The following PHAF1 variants were observed in gnomAD, a reference collection of about 807,000 sequenced individuals.
PHAF1 encodes phagophore assembly factor 1.
PHAF1 carries 23 observed loss-of-function variants against 63.1 expected under a neutral mutation model. That is an observed-to-expected ratio of 0.36 (90% confidence interval 0.26 to 0.52). The LOEUF (loss-of-function observed/expected upper bound fraction) is 0.52, where lower values mean the gene tolerates loss of function less well. Ranked by LOEUF, PHAF1 falls within the 20% of genes least tolerant of loss-of-function variation. The pLI is 0.93. For missense variants in PHAF1, 427 were observed against 517.2 expected, an observed-to-expected ratio of 0.83 and a Z score of 1.69; for synonymous variants, 167 against 185.0, an observed-to-expected ratio of 0.90 and a Z score of 0.79.
chr16:67,142,606 C>A (rs996594462), intron 10 of PHAF1, among the ~76,000 whole-genome samples: 3 of 152,172 alleles, frequency 2.0e-5, no homozygotes, highest in African/African-American at 4.8e-5. Context: ...ACAACTTTGC[C>A]CCTCCCCAGA....
At chr16:67,122,553 A>G (rs932850991) in intron 2 of PHAF1, among the ~76,000 whole-genome samples, 2 of 148,586 alleles carry the variant, frequency 1.3e-5, no homozygotes, top group East Asian at 2.0e-4. Context: ...CCTAGGTGAC[A>G]GAGCAAGACC....
intron 10 of PHAF1, 144 bp from the exon 11 acceptor site, chr16:67,144,150 A>C (rs1305183365): frequency 4.7e-6 from 3 of 633,654 alleles, no homozygotes; most frequent in Non-Finnish European, 8.6e-6. Flanking sequence ...TGTCCCCTGG[A>C]CTGTTGTCTG....
intron 8 of PHAF1, among the ~76,000 whole-genome samples, chr16:67,138,947 C>T (rs1963702500): frequency 6.6e-6 from 1 of 152,114 alleles, no homozygotes; most frequent in East Asian, 1.9e-4. Flanking sequence ...AAGACAGTGT[C>T]TCACTCTGTC....
intron 1 of PHAF1, among the ~76,000 whole-genome samples, chr16:67,112,202 G>C (rs992673857): frequency 1.1e-4 from 17 of 152,022 alleles, no homozygotes; most frequent in Non-Finnish European, 1.6e-4. Context: ...AGTGTGACTA[G>C]GTTGTGGATC....
chr16:67,130,220 G>A (rs1963339178), intron 3 of PHAF1, among the ~76,000 whole-genome samples: 1 of 150,934 alleles, frequency 6.6e-6, no homozygotes, highest in African/African-American at 2.4e-5. Context: ...CTAATTTTTT[G>A]TATTTTTCAG....
intron 3 of PHAF1, among the ~76,000 whole-genome samples, chr16:67,126,595 GTTT>G (rs60445297): frequency 1.5e-5 from 2 of 134,204 alleles, no homozygotes. Flanking sequence ...TTTGTTTTTG[GTTT>G]TTTTTTTTTT....
At chr16:67,117,199 ATTTTTTTT>A (rs750308105) in intron 1 of PHAF1, among the ~76,000 whole-genome samples, 81 of 111,952 alleles carry the variant, frequency 7.2e-4, no homozygotes, top group Middle Eastern at 0.01. Context: ...TGCCCAGCTA[ATTTTTTTT>A]TTTTTTTTTT....
At chr16:67,143,269 G>T (rs1567654811) in intron 10 of PHAF1, among the ~76,000 whole-genome samples, 1 of 152,200 alleles carries the variant, frequency 6.6e-6, no homozygotes, top group South Asian at 2.1e-4. Flanking sequence ...CAGCATGGTG[G>T]CTCACGCCTG....
At chr16:67,125,265 C>T (rs1202402069) in intron 2 of PHAF1, among the ~76,000 whole-genome samples, 1 of 152,160 alleles carries the variant, frequency 6.6e-6, no homozygotes, top group Non-Finnish European at 1.5e-5. Flanking sequence ...TCTGCTACTC[C>T]CCTCCCCCAG....
At position 67,120,287 on chromosome 16, in the gene PHAF1, A is replaced by G; in HGVS notation, c.147+93A>G. ...CTTTGGGATAGGCTGACTGGCAAGG[A>G]TAGCTGTGTTCGAATGGGAGAATCT... On this transcript the variant is annotated intron_variant, in intron 2 of 15. Coordinates refer to ENST00000219139, the MANE Select transcript of PHAF1 (RefSeq NM_025187.5). 4.2e-6 allele frequency: 5 copies of G among 1,184,574 alleles called. No individual in the cohort carries two copies. The South Asian group carries it at 6.8e-5, about 16-fold the overall frequency. The allele number at this position is 1,184,574 out of a possible 1,614,324, so 73.4% of individuals were successfully genotyped here.
chr16:67,114,156 A>G (rs1457966774), intron 1 of PHAF1, among the ~76,000 whole-genome samples: 3 of 152,038 alleles, frequency 2.0e-5, no homozygotes, highest in African/African-American at 7.2e-5. Context: ...CAGAGACTGA[A>G]GGCTCACTGT....
intron 8 of PHAF1, 101 bp downstream of exon 8, chr16:67,134,568 G>A: frequency 9.7e-7 from 1 of 1,027,330 alleles, no homozygotes; most frequent in Non-Finnish European, 1.5e-6. Context: ...CATTCAGGCT[G>A]CTATAATAAA....
intron 1 of PHAF1, among the ~76,000 whole-genome samples, chr16:67,115,448 G>A (rs1002292773): frequency 2.0e-5 from 3 of 152,240 alleles, no homozygotes; most frequent in African/African-American, 4.8e-5. Flanking sequence ...GGAGCTTGAC[G>A]TGTGCAAGTA....
At chr16:67,128,522 C>A (rs1040488221) in intron 3 of PHAF1, among the ~76,000 whole-genome samples, 1 of 152,208 alleles carries the variant, frequency 6.6e-6, no homozygotes. Flanking sequence ...CTTCCCACCC[C>A]CTGCCTCAAG....
intron 5 of PHAF1, 103 bp downstream of exon 5, chr16:67,132,628 A>T (rs767448775): frequency 7.3e-7 from 1 of 1,364,028 alleles, no homozygotes; most frequent in Non-Finnish European, 1.1e-6. Context: ...TCAGGCTCCC[A>T]TAGGATTGTG....
chr16:67,111,594 G>C (rs1395634476), intron 1 of PHAF1, among the ~76,000 whole-genome samples: 1 of 152,192 alleles, frequency 6.6e-6, no homozygotes, highest in Non-Finnish European at 1.5e-5. Flanking sequence ...GGCTACATAT[G>C]TCCTGTGTGT....
intron 3 of PHAF1, among the ~76,000 whole-genome samples, chr16:67,130,290 G>A (rs930529668): frequency 7.4e-5 from 11 of 149,316 alleles, no homozygotes; most frequent in Admixed American, 3.3e-4. Flanking sequence ...CTTGTGATCC[G>A]CCCGCCTCGG....
At chr16:67,113,871 T>A (rs1962630499) in intron 1 of PHAF1, among the ~76,000 whole-genome samples, 1 of 151,614 alleles carries the variant, frequency 6.6e-6, no homozygotes, top group Non-Finnish European at 1.5e-5. Context: ...CACCAGGTAA[T>A]TTTTTACTTT....
At chr16:67,145,681 G>A (rs1056824802) in intron 14 of PHAF1, 53 bp downstream of exon 14, 2 of 1,565,364 alleles carry the variant, frequency 1.3e-6, no homozygotes, top group African/African-American at 1.4e-5. Flanking sequence ...TCAGAGCCCA[G>A]AAAGCCCAGG....
Sources: gnomAD v4.1 joint callset for allele counts (sites outside exome capture counted in the v4.1 genomes callset) on GRCh38, gnomAD v4.1.1 for gene constraint, MANE v1.5 for transcripts, NCBI Gene and HGNC (gene_info 2026-07-23, HGNC 2026-07-21) for gene names.